LRRTM4: variants seen among roughly 807,000 people sequenced by gnomAD.
LRRTM4 encodes leucine-rich repeat transmembrane neuronal protein 4.
In LRRTM4, 25 loss-of-function variants were observed where a neutral mutation model predicts 47.6. That is an observed-to-expected ratio of 0.53 (90% confidence interval 0.38 to 0.73). The LOEUF (loss-of-function observed/expected upper bound fraction) is 0.73. LRRTM4 is among the 30% of genes least tolerant of loss of function. LRRTM4 has a pLI of 0.00. For synonymous variants in LRRTM4, 311 were observed against 269.5 expected, an observed-to-expected ratio of 1.15 and a Z score of -1.51; for missense variants, 638 against 713.4, an observed-to-expected ratio of 0.89 and a Z score of 1.20.
chr2:76,774,244 G>A (rs1212405767), intron 3 of LRRTM4, among the ~76,000 whole-genome samples: 1 of 151,648 alleles, frequency 6.6e-6, no homozygotes, highest in Non-Finnish European at 1.5e-5. Context: ...GAGTGCAGTG[G>A]TGCAATCTTG....
At chr2:77,328,860 G>A (rs1670872244) in intron 3 of LRRTM4, among the ~76,000 whole-genome samples, 1 of 152,164 alleles carries the variant, frequency 6.6e-6, no homozygotes, top group Non-Finnish European at 1.5e-5. Flanking sequence ...CATTGCACAT[G>A]CTCCAGGTAT....
At chr2:77,491,445 C>G (rs948522057) in intron 3 of LRRTM4, among the ~76,000 whole-genome samples, 1 of 151,722 alleles carries the variant, frequency 6.6e-6, no homozygotes, top group Non-Finnish European at 1.5e-5. Flanking sequence ...ACATTCCAAA[C>G]AATATCAATC....
chr2:77,253,547 C>A (rs1302314371), intron 3 of LRRTM4, among the ~76,000 whole-genome samples: 4 of 152,114 alleles, frequency 2.6e-5, no homozygotes, highest in Non-Finnish European at 4.4e-5. Flanking sequence ...TTAAAAAATA[C>A]CTTGACATAT....
chr2:77,224,271 A>C (rs1674736358), intron 3 of LRRTM4, among the ~76,000 whole-genome samples: 1 of 152,072 alleles, frequency 6.6e-6, no homozygotes, highest in Non-Finnish European at 1.5e-5. Context: ...AAGAAAACCT[A>C]GGCAATACCA....
At chr2:76,755,717 T>C (rs1470439239) in intron 3 of LRRTM4, among the ~76,000 whole-genome samples, 3 of 152,088 alleles carry the variant, frequency 2.0e-5, no homozygotes, top group Admixed American at 6.6e-5. Context: ...ACTGGAGTTA[T>C]AGGAAGAAAA....
intron 3 of LRRTM4, among the ~76,000 whole-genome samples, chr2:76,776,528 A>G (rs1287716608): frequency 1.3e-5 from 2 of 151,842 alleles, no homozygotes. Context: ...GCATTTTTTC[A>G]TGTGTTTTTT....
chr2:76,845,981 T>C (rs1671827297), intron 3 of LRRTM4, among the ~76,000 whole-genome samples: 1 of 152,178 alleles, frequency 6.6e-6, no homozygotes, highest in Non-Finnish European at 1.5e-5. Context: ...CGGATTTTTT[T>C]CAACCCAATG....
At chr2:77,264,430 C>G (rs1675999123) in intron 3 of LRRTM4, among the ~76,000 whole-genome samples, 1 of 152,044 alleles carries the variant, frequency 6.6e-6, no homozygotes, top group Non-Finnish European at 1.5e-5. Flanking sequence ...TCCTTATAAA[C>G]TCATTTAACC....
chr2:76,748,799 G>C lies in LRRTM4; in HGVS notation c.1669C>G (p.Gln557Glu). 2 of 1,614,044 alleles carry C rather than the reference G, an allele frequency of 1.2e-6. No individual in the cohort carries two copies. Among genetic ancestry groups the C allele is most frequent in the Non-Finnish European group, 1.7e-6 (2 of 1,179,904 alleles). ...AGCTCCAGGCCGGGGCTTTCGTCCT[G>C]CTCTGGAGACACTGTCTCATAGCCC... ...TKGYETVSPE[Q>E]DESPGLELGR... Residue 557 changes from glutamine to glutamate, a missense_variant, in exon 4 of 4, where the codon CAG (glutamine) becomes GAG (glutamate). Gln to Glu is a conservative substitution (Grantham distance 29, BLOSUM62 2). Coordinates refer to ENST00000409884, the MANE Select transcript of LRRTM4 (RefSeq NM_001134745.3).
At chr2:77,517,607 A>G in intron 3 of LRRTM4, 1 of 985,100 alleles carries the variant, frequency 1.0e-6, no homozygotes, top group Non-Finnish European at 1.2e-6. Flanking sequence ...TCTATATCCC[A>G]GTAATTAAAA....
At chr2:77,272,782 T>A (rs578253605) in intron 3 of LRRTM4, among the ~76,000 whole-genome samples, 1 of 152,206 alleles carries the variant, frequency 6.6e-6, no homozygotes, top group African/African-American at 2.4e-5. Flanking sequence ...CCACCCTCCT[T>A]TTTTTCTTCC....
chr2:76,844,222 C>A (rs537731539), intron 3 of LRRTM4, among the ~76,000 whole-genome samples: 4 of 151,998 alleles, frequency 2.6e-5, no homozygotes, highest in Non-Finnish European at 5.9e-5. Flanking sequence ...GCAGCCTCCA[C>A]CTCTCGGGTT....
Position 77,028,172 on chromosome 2 carries a change from A to C in LRRTM4, c.1552-279256T>G, listed in dbSNP as rs1678518699. ...GGAAAAAGTAAATGCAAACACTCAA[A>C]TCTAAAGTCCAAAGCAAGTTCTGAA... is the stretch of plus-strand genomic sequence containing the variant. On this transcript the variant is annotated intron_variant, in intron 3 of 3. Coordinates refer to ENST00000409884, the MANE Select transcript of LRRTM4 (RefSeq NM_001134745.3). Among the ~76,000 whole-genome samples the C allele has an allele frequency of 3.9e-5, 6 of 152,146 alleles. No individual in the cohort carries two copies. The South Asian group carries it at 1.2e-3, about 32-fold the overall frequency.
intron 3 of LRRTM4, among the ~76,000 whole-genome samples, chr2:76,766,235 GT>G (rs1673451114): frequency 6.6e-6 from 1 of 152,162 alleles, no homozygotes; most frequent in Non-Finnish European, 1.5e-5. Context: ...GGTTATACAT[GT>G]GGCGAATTGT....
At chr2:77,067,012 T>C (rs1033706895) in intron 3 of LRRTM4, among the ~76,000 whole-genome samples, 2 of 152,118 alleles carry the variant, frequency 1.3e-5, no homozygotes, top group Non-Finnish European at 2.9e-5. Flanking sequence ...TGACAAGGTA[T>C]TGGCCAAAGA....
At chr2:76,946,132 C>T (rs745985610) in intron 3 of LRRTM4, among the ~76,000 whole-genome samples, 8 of 151,862 alleles carry the variant, frequency 5.3e-5, no homozygotes, top group Non-Finnish European at 1.0e-4. Context: ...GACTTAAATG[C>T]TTTCCTGAAA....
At chr2:77,212,091 G>A (rs557886901) in intron 3 of LRRTM4, among the ~76,000 whole-genome samples, 1 of 152,048 alleles carries the variant, frequency 6.6e-6, no homozygotes, top group East Asian at 1.9e-4. Context: ...GTTAAAATGT[G>A]CATGGGATGT....
intron 3 of LRRTM4, among the ~76,000 whole-genome samples, chr2:77,194,989 T>C (rs1673771480): frequency 6.6e-6 from 1 of 152,108 alleles, no homozygotes. Context: ...GAAATATTCA[T>C]GGTGTTTTCT....
chr2:77,478,037 A>G lies in LRRTM4; in HGVS notation c.1551+40281T>C, dbSNP rs551925243. ...TTATGAATGAAGGAGTCAGGCTCAT[A>G]GTTTTCCAGTATCCTCTTCAAGGCT... On this transcript the variant is annotated intron_variant, in intron 3 of 3. Coordinates refer to ENST00000409884, the MANE Select transcript of LRRTM4 (RefSeq NM_001134745.3). Among the ~76,000 whole-genome samples, 28 of 152,246 alleles carry G rather than the reference A, an allele frequency of 1.8e-4. No individual in the cohort carries two copies. In the South Asian group the frequency reaches 5.6e-3, roughly 30 times the overall value.
Sources: gnomAD v4.1 joint callset for allele counts (sites outside exome capture counted in the v4.1 genomes callset) on GRCh38, gnomAD v4.1.1 for gene constraint, MANE v1.5 for transcripts, NCBI Gene and HGNC (gene_info 2026-07-23, HGNC 2026-07-21) for gene names.